Variants in WDFY2 observed in about 807,000 individuals in gnomAD.
The protein encoded by WDFY2 is WD repeat and FYVE domain-containing protein 2.
Under a neutral mutation model 56.4 loss-of-function variants are expected in WDFY2, and 36 were observed. That is an observed-to-expected ratio of 0.64 (90% CI 0.49 to 0.84). The LOEUF is 0.84. Ranked by LOEUF, WDFY2 falls within the 40% of genes least tolerant of loss-of-function variation. WDFY2 has a pLI of 0.00. For synonymous variants in WDFY2, 176 were observed against 183.7 expected (o/e 0.96, Z 0.34); for missense variants, 444 against 512.2 (o/e 0.87, Z 1.29).
intron 8 of WDFY2, chr13:51,753,039 T>C (rs1053143672): frequency 6.6e-6 from 1 of 152,216 alleles, no homozygotes; most frequent in Admixed American, 6.5e-5. Context: ...GAAATTATAG[T>C]TGATATATGC....
intron 6 of WDFY2, among the ~76,000 whole-genome samples, chr13:51,738,251 G>A (rs939629215): frequency 2.6e-5 from 4 of 151,784 alleles, no homozygotes; most frequent in Non-Finnish European, 5.9e-5. Context: ...AATTCTTATT[G>A]TTCTCAGTAT....
intron 2 of WDFY2, among the ~76,000 whole-genome samples, chr13:51,668,698 A>G (rs1452901510): frequency 1.3e-5 from 2 of 152,208 alleles, no homozygotes; most frequent in Non-Finnish European, 2.9e-5. Flanking sequence ...GGATACCGTT[A>G]GCACCTGAAG....
chr13:51,659,217 G>A (rs999697656), intron 1 of WDFY2, among the ~76,000 whole-genome samples: 4 of 152,182 alleles, frequency 2.6e-5, no homozygotes, highest in Admixed American at 6.5e-5. Flanking sequence ...GTGAGCCACC[G>A]CGCACAGCCT....
intron 2 of WDFY2, among the ~76,000 whole-genome samples, chr13:51,665,015 G>A (rs76134569): frequency 0.051 from 7,761 of 152,234 alleles, 244 homozygotes; most frequent in Middle Eastern, 0.085. Flanking sequence ...AGTCTGGTGG[G>A]GAAGGCAGAC....
At chr13:51,618,660 C>G (rs1465075547) in intron 1 of WDFY2, among the ~76,000 whole-genome samples, 1 of 152,162 alleles carries the variant, frequency 6.6e-6, no homozygotes, top group Non-Finnish European at 1.5e-5. Context: ...GTGAGCCTAC[C>G]TCTTCCTGTC....
chr13:51,585,943 T>A (rs1953928926), intron 1 of WDFY2: 1 of 398,224 alleles, frequency 2.5e-6, no homozygotes, highest in African/African-American at 2.1e-5. Context: ...TTCTTCAGTA[T>A]AACTAGGATG....
intron 4 of WDFY2, among the ~76,000 whole-genome samples, chr13:51,712,180 A>C (rs1298126910): frequency 6.6e-6 from 1 of 152,208 alleles, no homozygotes; most frequent in Non-Finnish European, 1.5e-5. Flanking sequence ...CATCATTCTG[A>C]GCAAACTATT....
At chr13:51,621,548 A>G (rs1954726320) in intron 1 of WDFY2, among the ~76,000 whole-genome samples, 1 of 152,182 alleles carries the variant, frequency 6.6e-6, no homozygotes, top group African/African-American at 2.4e-5. Context: ...ATCTAGAGGA[A>G]TTAAAGGGGT....
chr13:51,615,917 A>G (rs188660823), intron 1 of WDFY2, among the ~76,000 whole-genome samples: 18 of 152,354 alleles, frequency 1.2e-4, no homozygotes, highest in Admixed American at 8.5e-4. Flanking sequence ...TTTTTTAACC[A>G]GTAATGACTT....
In WDFY2 at chr13:51,623,838, G is replaced by A. The variant is rs76015736; in HGVS notation, c.138-36758G>A. The stretch of plus-strand genomic sequence containing the variant: ...TCTTCCACAACAGGCAGTTTTTACA[G>A]AGTTTTTTTTTTTTTTAAAGGAATA... On this transcript the variant is annotated intron_variant, in intron 1 of 11. Transcript: ENST00000298125. Among the ~76,000 whole-genome samples the A allele has an allele frequency of 9.8e-3, 1,467 of 149,304 alleles. 29 individuals are homozygous for A. Among genetic ancestry groups the A allele is most frequent in the African/African-American group, 0.033 (1,366 of 40,822 alleles).
At chr13:51,695,232 C>T (rs895389019) in intron 3 of WDFY2, among the ~76,000 whole-genome samples, 7 of 152,200 alleles carry the variant, frequency 4.6e-5, no homozygotes, top group South Asian at 4.1e-4. Context: ...TGAGGAGCTG[C>T]GTTCCTTTGG....
intron 3 of WDFY2, among the ~76,000 whole-genome samples, chr13:51,701,052 A>G (rs1399935848): frequency 6.6e-6 from 1 of 152,262 alleles, no homozygotes; most frequent in African/African-American, 2.4e-5. Context: ...AATTGCATGC[A>G]TGAACTGTGA....
chr13:51,692,380 T>A (rs1417485984), intron 3 of WDFY2, among the ~76,000 whole-genome samples: 1 of 152,246 alleles, frequency 6.6e-6, no homozygotes, highest in East Asian at 1.9e-4. Context: ...CAATACCTAA[T>A]TTACTGAGAG....
chr13:51,732,105 CGTAAA>C (rs1566198436), intron 6 of WDFY2, among the ~76,000 whole-genome samples: 1 of 152,050 alleles, frequency 6.6e-6, no homozygotes, highest in Non-Finnish European at 1.5e-5. Context: ...ATGAAAAAGT[CGTAAA>C]GTAACTTGAA....
In WDFY2 at chr13:51,753,313, GGACA is replaced by G. The variant is rs1255761811; in HGVS notation, c.831+1903_831+1906del. ...AGGATGGCAGCTAGCTGAAAGATAAGGACAGACAATGGAAGACCTTGAGTGGCTG... is the reference window on the plus strand; with the variant it reads ...AGGATGGCAGCTAGCTGAAAGATAAGGACAATGGAAGACCTTGAGTGGCTG... On this transcript the variant is annotated intron_variant, in intron 8 of 11. Transcript: ENST00000298125. Among the ~76,000 whole-genome samples the G allele has an allele frequency of 2.0e-5, 3 of 152,332 alleles. No homozygotes were observed. The East Asian group carries it at 5.8e-4, about 29-fold the overall frequency.
intron 3 of WDFY2, among the ~76,000 whole-genome samples, chr13:51,684,352 T>A (rs1593409976): frequency 6.6e-6 from 1 of 151,568 alleles, no homozygotes; most frequent in Non-Finnish European, 1.5e-5. Flanking sequence ...AGTCATATCA[T>A]GGTTGAGTAT....
At chr13:51,679,041 T>C (rs576999181) in intron 3 of WDFY2, among the ~76,000 whole-genome samples, 40 of 152,218 alleles carry the variant, frequency 2.6e-4, no homozygotes, top group African/African-American at 9.6e-4. Context: ...CCAAAGATGT[T>C]TGGAGAGATA....
At chr13:51,709,941 C>A (rs957171743) in intron 4 of WDFY2, among the ~76,000 whole-genome samples, 19 of 152,178 alleles carry the variant, frequency 1.2e-4, no homozygotes, top group African/African-American at 4.6e-4. Flanking sequence ...TTTATGAGGC[C>A]AGCATCATCC....
chr13:51,707,939 CTT>C (rs56054205), intron 4 of WDFY2, among the ~76,000 whole-genome samples: 468 of 57,432 alleles, frequency 8.1e-3, no homozygotes, highest in Middle Eastern at 0.023. Context: ...CCTAAAACAA[CTT>C]TTTTTTTTTT....
Sources: allele counts gnomAD v4.1 joint callset (sites outside exome capture counted in the v4.1 genomes callset), GRCh38; gene constraint gnomAD v4.1.1; transcripts MANE v1.5; gene names NCBI Gene and HGNC (gene_info 2026-07-23, HGNC 2026-07-21).